Variants in EXPH5 observed in about 807,000 individuals in gnomAD.
EXPH5 encodes exophilin-5.
In EXPH5, 42 loss-of-function variants were observed where a neutral mutation model predicts 41.1. That is an observed-to-expected ratio of 1.02 (90% CI 0.80 to 1.32). The LOEUF is 1.32. EXPH5 is among the 40% of genes most tolerant of loss of function. The pLI, the probability that EXPH5 is intolerant of heterozygous loss-of-function variation, is 0.00. For synonymous variants in EXPH5, 798 were observed against 833.5 expected, an observed-to-expected ratio of 0.96 and a Z score of 0.73; for missense variants, 2,298 against 2,314.5, an observed-to-expected ratio of 0.99 and a Z score of 0.15.
Position 108,521,322 on chromosome 11 carries a change from G to C in EXPH5, c.493-2949C>G, listed in dbSNP as rs565889850. The stretch of plus-strand genomic sequence containing the variant: ...ACCCCTACATTCCTTACGACCTTGT[G>C]TTTTCACTCCTGCTTGTTTTCTTTC... On this transcript the variant is annotated intron_variant, in intron 4 of 5. Transcript: ENST00000265843. 1.3e-3 allele frequency among the ~76,000 whole-genome samples: 193 copies of C among 152,162 alleles called. 6 individuals are homozygous for C. The South Asian group carries it at 0.024, about 19-fold the overall frequency.
chr11:108,574,919 T>C (rs978850400), intron 1 of EXPH5, among the ~76,000 whole-genome samples: 1 of 152,232 alleles, frequency 6.6e-6, no homozygotes, highest in African/African-American at 2.4e-5. Context: ...GCAGCTATTT[T>C]GCGTTACAAA....
In EXPH5 at chr11:108,539,190, GA is replaced by G. The variant is rs35249685; in HGVS notation, c.281-5del. The stretch of plus-strand genomic sequence containing the variant: ...GATGTAGGTAATTCTATCGGATCTA[GA>G]AAAAAAAATTGTAAAAATTTTGCAT... On this transcript the variant is annotated splice_polypyrimidine_tract_variant and splice_region_variant and intron_variant, in intron 2 of 5. Transcript: ENST00000265843. The G allele has an allele frequency of 1.1e-4, 163 of 1,537,134 alleles. No homozygotes were observed. The African/African-American group carries it at 1.1e-3, about 10-fold the overall frequency.
intron 3 of EXPH5, among the ~76,000 whole-genome samples, chr11:108,537,721 C>T (rs1458891388): frequency 6.6e-6 from 1 of 152,228 alleles, no homozygotes; most frequent in Non-Finnish European, 1.5e-5. Context: ...ATAGAATTAA[C>T]AGTTTCCTCA....
intron 4 of EXPH5, among the ~76,000 whole-genome samples, chr11:108,526,947 G>T (rs901275806): frequency 6.6e-6 from 1 of 152,272 alleles, no homozygotes; most frequent in South Asian, 2.1e-4. Context: ...TTTAGTGCTG[G>T]TGTCATGGTT....
In EXPH5 at chr11:108,518,319, C is replaced by A. The variant is rs751798107; in HGVS notation, c.547G>T (p.Val183Phe). Residue 183 changes from valine to phenylalanine, a missense_variant, in exon 5 of 6, where the codon GTC becomes TTC. Coordinates refer to ENST00000265843, the MANE Select transcript of EXPH5 (RefSeq NM_015065.3). ...TCCCTCATGACTGCTGGCTTTGGGA[C>A]AAATGTACTGTCAACTAGATGATTT... ...LENHLVDSTF[V>F]PKPAVMREES... The A allele has an allele frequency of 6.2e-7, 1 of 1,613,942 alleles. No individual in the cohort carries two copies. Among genetic ancestry groups the A allele is most frequent in the Admixed American group, 1.7e-5 (1 of 60,014 alleles).
upstream of EXPH5, chr11:108,593,786 A>G (rs2094134430): frequency 2.0e-6 from 3 of 1,532,066 alleles, no homozygotes; most frequent in Non-Finnish European, 2.6e-6. Context: ...AAAGGGAGAG[A>G]GGGAACCAAT....
At chr11:108,525,887 C>T (rs2093795098) in intron 4 of EXPH5, among the ~76,000 whole-genome samples, 1 of 149,714 alleles carries the variant, frequency 6.7e-6, no homozygotes, top group Non-Finnish European at 1.5e-5. Context: ...TTCTTTCTCT[C>T]TCTCCTTTTT....
At chr11:108,593,837 G>A (rs2094134594), upstream of EXPH5, 2 of 1,202,006 alleles carry the variant, frequency 1.7e-6, no homozygotes, top group Non-Finnish European at 2.3e-6. Flanking sequence ...CCCCTCCCTC[G>A]TCCCCTCCCT....
chr11:108,513,131 AATG>A lies in EXPH5; in HGVS notation c.2373_2375del (p.Ile792del), dbSNP rs2093695196. 5 of 1,612,058 alleles carry A rather than the reference AATG, an allele frequency of 3.1e-6. No individual in the cohort carries two copies. In the African/African-American group the frequency reaches 4.0e-5, roughly 13 times the overall value. Reference sequence around the variant, plus strand: ...TTTCAGTAAACCTCTTATCTTGTTTAATGTCATTGGATTTATCTGTGTGCGGTA... The same window carrying A: ...TTTCAGTAAACCTCTTATCTTGTTTATCATTGGATTTATCTGTGTGCGGTA... On this transcript the variant is annotated inframe_deletion, in exon 6 of 6. Transcript: ENST00000265843.
Position 108,546,491 on chromosome 11 carries a change from G to A in EXPH5, c.120-4679C>T, listed in dbSNP as rs181649734. ...CCCAGGTGATGTGTTTTGGGGAGTAGGGGTAGAGACACATCAAAGAAGATT... is the reference window on the plus strand; with the variant it reads ...CCCAGGTGATGTGTTTTGGGGAGTAAGGGTAGAGACACATCAAAGAAGATT... On this transcript the variant is annotated intron_variant, in intron 1 of 5. Transcript: ENST00000265843. Among the ~76,000 whole-genome samples the A allele has an allele frequency of 7.9e-5, 12 of 152,248 alleles. 2 individuals are homozygous for A. The highest frequency in any genetic ancestry group is 2.9e-4 in the African/African-American group (12 of 41,544).
chr11:108,538,019 A>G, intron 3 of EXPH5: 1 of 985,446 alleles, frequency 1.0e-6, no homozygotes, highest in Non-Finnish European at 1.2e-6. Context: ...ACATAAATCT[A>G]CATTGTGGTC....
intron 3 of EXPH5, among the ~76,000 whole-genome samples, chr11:108,528,617 ATAGT>A (rs1178524697): frequency 1.3e-5 from 2 of 151,952 alleles, no homozygotes; most frequent in Admixed American, 6.6e-5. Flanking sequence ...GTCAGAATAC[ATAGT>A]TAGTTGCTGA....
chr11:108,563,808 C>T (rs1166289432), intron 1 of EXPH5, among the ~76,000 whole-genome samples: 3 of 152,172 alleles, frequency 2.0e-5, no homozygotes, highest in Non-Finnish European at 4.4e-5. Context: ...CTTCACTGTC[C>T]TAGGCGTCGC....
chr11:108,546,339 C>T (rs983144935), intron 1 of EXPH5, among the ~76,000 whole-genome samples: 2 of 152,098 alleles, frequency 1.3e-5, no homozygotes, highest in East Asian at 1.9e-4. Flanking sequence ...GATTCCAGTG[C>T]GGGGCAGGAG....
At position 108,507,279 on chromosome 11, in the gene EXPH5, G is replaced by A. The variant is rs960933935; in HGVS notation, c.*2258C>T. ...ATGTAAAGTAACCCACGCATTTTGC[G>A]TCTATGTAAGGGAATGATTAGAAGG... is the stretch of plus-strand genomic sequence containing the variant. On this transcript the variant is annotated 3_prime_UTR_variant, in exon 6 of 6. Transcript: ENST00000265843. 1.3e-5 allele frequency: 2 copies of A among 152,150 alleles called. No individual in the cohort carries two copies. Among genetic ancestry groups the A allele is most frequent in the Non-Finnish European group, 2.9e-5 (2 of 68,032 alleles). 9.4% of individuals were successfully genotyped at this position (152,150 alleles called of 1,614,324 possible).
intron 1 of EXPH5, among the ~76,000 whole-genome samples, chr11:108,559,907 T>G (rs1001502245): frequency 1.3e-5 from 2 of 152,214 alleles, no homozygotes; most frequent in Admixed American, 1.3e-4. Context: ...TAATTCACCC[T>G]TTGTATCATG....
rs868078653 is a variant in EXPH5, at chr11:108,511,357, C to T, written c.4150G>A (p.Glu1384Lys). ...TCACTTTGCAACTTTTTGCCTCTTT[C>T]CTTCTTGTTTTCTGAATCACCTAGA... The part of the protein sequence containing the change: ...TPLGDSENKK[E>K]RGKKLQSETL... The change falls in exon 6 of 6, where the codon GAA becomes AAA. Residue 1384 changes from glutamate (E) to lysine (K), a missense_variant. Physicochemically the swap from Glu to Lys is moderately conservative, Grantham distance 56 (BLOSUM62 1). Transcript: ENST00000265843. 6 of 1,580,972 alleles carry T rather than the reference C, an allele frequency of 3.8e-6. No individual in the cohort carries two copies. Among genetic ancestry groups the T allele is most frequent in the Non-Finnish European group, 5.1e-6 (6 of 1,167,822 alleles).
Position 108,583,624 on chromosome 11 carries a change from C to G in EXPH5, c.119+9794G>C, listed in dbSNP as rs546642256. Among the ~76,000 whole-genome samples the G allele has an allele frequency of 2.7e-5, 4 of 150,924 alleles. No homozygotes were observed. In the East Asian group the frequency reaches 5.8e-4, roughly 22 times the overall value. ...ATCACTTGAGCCCGGGAGGTGGAGACCAGTCTGGCCAACATAGCAAAACCC... is the reference window on the plus strand; with the variant it reads ...ATCACTTGAGCCCGGGAGGTGGAGAGCAGTCTGGCCAACATAGCAAAACCC... On this transcript the variant is annotated intron_variant, in intron 1 of 5. Coordinates refer to ENST00000265843, the MANE Select transcript of EXPH5 (RefSeq NM_015065.3).
intron 1 of EXPH5, among the ~76,000 whole-genome samples, chr11:108,581,456 C>T (rs1018960287): frequency 3.9e-5 from 6 of 151,918 alleles, no homozygotes; most frequent in African/African-American, 7.3e-5. Context: ...ATGTATTATA[C>T]GTATCAAAAG....
Sources: allele counts gnomAD v4.1 joint callset (sites outside exome capture counted in the v4.1 genomes callset), GRCh38; gene constraint gnomAD v4.1.1; transcripts MANE v1.5; gene names NCBI Gene and HGNC (gene_info 2026-07-23, HGNC 2026-07-21).